Variants in RGS22 observed in about 807,000 individuals in gnomAD.
RGS22 encodes regulator of G protein signaling 22.
RGS22 carries 148 observed loss-of-function variants against 172.9 expected under a neutral mutation model. That is an observed-to-expected ratio of 0.86 (90% confidence interval 0.75 to 0.98). The LOEUF (loss-of-function observed/expected upper bound fraction) is 0.98, where lower values mean the gene tolerates loss of function less well. Ranked by LOEUF, RGS22 falls within the 50% of genes least tolerant of loss-of-function variation. The probability of loss-of-function intolerance (pLI) is 0.00; values close to 1 mark genes in which losing one functional copy is unlikely to be tolerated. For synonymous variants in RGS22, 458 were observed against 480.2 expected (o/e 0.95, Z 0.60); for missense variants, 1,347 against 1,440.8 (o/e 0.93, Z 1.05).
chr8:100,004,308 CCTT>C (rs1433350257), intron 16 of RGS22: 1 of 227,194 alleles, frequency 4.4e-6, no homozygotes, highest in Non-Finnish European at 7.3e-6. Context: ...CATTCCATTC[CCTT>C]CTTTTCATAA....
At chr8:99,994,897 G>A (rs1814185708) in intron 20 of RGS22, among the ~76,000 whole-genome samples, 1 of 152,166 alleles carries the variant, frequency 6.6e-6, no homozygotes, top group Non-Finnish European at 1.5e-5. Flanking sequence ...AAAACAGCAT[G>A]GTACTGGTAC....
At chr8:100,035,268 AC>A (rs527795089) in intron 14 of RGS22, among the ~76,000 whole-genome samples, 205 of 152,312 alleles carry the variant, frequency 1.3e-3, no homozygotes, top group African/African-American at 4.5e-3. Context: ...CAAGAAAAAA[AC>A]AAACAACCCC....
Position 100,039,041 on chromosome 8 carries a change from G to A in RGS22, c.2065-9C>T. On this transcript the variant is annotated splice_polypyrimidine_tract_variant and intron_variant, in intron 13 of 27. Coordinates refer to ENST00000360863, the MANE Select transcript of RGS22 (RefSeq NM_015668.5). ...ACACTGTTCTTCCACAACTACAGATGGAAAAAGTACATAAATTATTACCAC... is the reference window on the plus strand; with the variant it reads ...ACACTGTTCTTCCACAACTACAGATAGAAAAAGTACATAAATTATTACCAC... The A allele has an allele frequency of 6.6e-7, 1 of 1,506,296 alleles. No homozygotes were observed. Among genetic ancestry groups the A allele is most frequent in the Non-Finnish European group, 9.1e-7 (1 of 1,095,816 alleles). The allele number at this position is 1,506,296 out of a possible 1,614,324, so 93.3% of individuals were successfully genotyped here. A position where few individuals can be genotyped will look rare whatever the true frequency, so the allele number is the denominator to read the frequency against.
intron 17 of RGS22, 30 bp downstream of exon 17, chr8:100,003,896 C>T: frequency 6.7e-7 from 1 of 1,482,976 alleles, no homozygotes; most frequent in African/African-American, 1.4e-5. Flanking sequence ...AAAATGTTTT[C>T]AGTGAGAAAT....
chr8:99,963,011 A>G, intron 24 of RGS22, 33 bp from the exon 25 acceptor site: 1 of 1,514,666 alleles, frequency 6.6e-7, no homozygotes, highest in African/African-American at 1.4e-5. Flanking sequence ...TTAATTCTGA[A>G]ATGTTTGCTT....
In RGS22 at chr8:100,042,101, T is replaced by C. The variant is rs1355785582; in HGVS notation, c.1824-185A>G. ...TGGTGGTTCAGAAAATGAGTCATAGTTATACAGAAAGACAATTCTCAAAAT... is the reference window on the plus strand; with the variant it reads ...TGGTGGTTCAGAAAATGAGTCATAGCTATACAGAAAGACAATTCTCAAAAT... On this transcript the variant is annotated intron_variant, in intron 11 of 27. Transcript: ENST00000360863. 4 of 466,138 alleles carry C rather than the reference T, an allele frequency of 8.6e-6. No homozygotes were observed. In the Admixed American group the frequency reaches 1.5e-4, roughly 17 times the overall value. 28.9% of individuals were successfully genotyped at this position (466,138 alleles called of 1,614,324 possible).
At position 99,982,112 on chromosome 8, in the gene RGS22, A is replaced by T. The variant is rs1563572377; in HGVS notation, c.3185T>A (p.Leu1062Ter). The T allele has an allele frequency of 6.2e-7, 1 of 1,610,262 alleles. No individual in the cohort carries two copies. The highest frequency in any genetic ancestry group is 8.5e-7 in the Non-Finnish European group (1 of 1,177,886). Reference sequence around the variant, plus strand: ...AGACTCATCACAATGAGAATGGCACAAGTCCTGAACAGAAGGAAAGATAGA... The same window carrying T: ...AGACTCATCACAATGAGAATGGCACTAGTCCTGAACAGAAGGAAAGATAGA... ...FWQEVQKYKD[L>*]CHSHCDESVI... Residue 1062 changes from leucine (L) to a stop codon, truncating the protein, a stop_gained, in exon 22 of 28, where the codon TTG becomes TAG. Coordinates refer to ENST00000360863, the MANE Select transcript of RGS22 (RefSeq NM_015668.5). LOFTEE classifies it high-confidence loss of function.
At chr8:100,061,157 C>G (rs1810105735) in intron 9 of RGS22, among the ~76,000 whole-genome samples, 1 of 151,586 alleles carries the variant, frequency 6.6e-6, no homozygotes. Context: ...CCACACACAA[C>G]AATTAACACA....
In RGS22 at chr8:100,056,500, A is replaced by G. The variant is rs528301974; in HGVS notation, c.1515-3524T>C. On this transcript the variant is annotated intron_variant, in intron 9 of 27. Transcript: ENST00000360863. ...ATAGGCCTGGAGGCCTAGGGGAAAA[A>G]AAATGTTTTTGTGGGCTGGGGCCCA... 3.9e-5 allele frequency among the ~76,000 whole-genome samples: 6 copies of G among 152,198 alleles called. No individual in the cohort carries two copies. The South Asian group carries it at 1.2e-3, about 32-fold the overall frequency.
intron 22 of RGS22, 35 bp from the exon 23 acceptor site, chr8:99,978,110 A>C (rs772404112): frequency 1.6e-5 from 20 of 1,276,512 alleles, no homozygotes; most frequent in Non-Finnish European, 2.1e-6. Context: ...ACAATTTTAT[A>C]CAAAGGTACC....
chr8:99,961,423 T>C (rs1810176988), intron 27 of RGS22, among the ~76,000 whole-genome samples: 1 of 152,196 alleles, frequency 6.6e-6, no homozygotes, highest in South Asian at 2.1e-4. Context: ...GTTCTCATGA[T>C]AGTGAGTGAG....
At chr8:100,072,320 C>A in intron 4 of RGS22, 90 bp from the exon 5 acceptor site, 1 of 714,716 alleles carries the variant, frequency 1.4e-6, no homozygotes, top group Non-Finnish European at 2.3e-6. Flanking sequence ...ATAATGACCT[C>A]CAGCTGTCAG....
intron 10 of RGS22, among the ~76,000 whole-genome samples, chr8:100,049,917 TG>T (rs1821101742): frequency 6.6e-6 from 1 of 151,676 alleles, no homozygotes; most frequent in Non-Finnish European, 1.5e-5. Flanking sequence ...GGCGTGGTGG[TG>T]GGTGCCTGTA....
At chr8:100,016,978 CTTTTTTTTTTTTTTTTTTTTTTTTTTT>C (rs71274949) in intron 14 of RGS22, among the ~76,000 whole-genome samples, 1 of 36,132 alleles carries the variant, frequency 2.8e-5, no homozygotes, top group East Asian at 8.8e-4. Flanking sequence ...CCTTACCAGT[CTTTTTTTTTTTTTTTTTTTTTTTTTTT>C]TTTTTTTTTT....
At chr8:100,006,253 T>C (rs1588958080) in intron 15 of RGS22, 144 bp from the exon 16 acceptor site, 1 of 633,600 alleles carries the variant, frequency 1.6e-6, no homozygotes, top group Admixed American at 3.0e-5. Flanking sequence ...AAAGATTAGC[T>C]ACAGCAGGGT....
chr8:99,996,640 T>C lies in RGS22; in HGVS notation c.2950-110A>G, dbSNP rs75485814. ...GATAAAGGTTAACTTGGACAAGAGATAGTGAAGTTTAGGAGAAAGAGGATC... is the reference window on the plus strand; with the variant it reads ...GATAAAGGTTAACTTGGACAAGAGACAGTGAAGTTTAGGAGAAAGAGGATC... On this transcript the variant is annotated intron_variant, in intron 19 of 27. Transcript: ENST00000360863. The C allele has an allele frequency of 3.7e-3, 3,400 of 910,528 alleles. 37 individuals are homozygous for C. The highest frequency in any genetic ancestry group is 0.03 in the African/African-American group (1,821 of 59,810). 56.4% of individuals were successfully genotyped at this position (910,528 alleles called of 1,614,324 possible). A position where few individuals can be genotyped will look rare whatever the true frequency, so the allele number is the denominator to read the frequency against.
intron 23 of RGS22, among the ~76,000 whole-genome samples, chr8:99,967,236 G>A (rs1017725602): frequency 3.3e-5 from 5 of 152,178 alleles, no homozygotes; most frequent in African/African-American, 9.7e-5. Context: ...CTGCAGGCTA[G>A]GAGATTCCCT....
chr8:100,079,621 T>G (rs1360208970), intron 4 of RGS22, among the ~76,000 whole-genome samples: 2 of 152,200 alleles, frequency 1.3e-5, no homozygotes, highest in Non-Finnish European at 2.9e-5. Flanking sequence ...TTCATCAAAG[T>G]GACTTGTACA....
At chr8:100,047,304 T>A (rs1195379335) in intron 11 of RGS22, among the ~76,000 whole-genome samples, 159 bp downstream of exon 11, 1 of 152,170 alleles carries the variant, frequency 6.6e-6, no homozygotes, top group Admixed American at 6.5e-5. Flanking sequence ...TAATTTAGAG[T>A]ATTCATGCAA....
Sources: allele counts gnomAD v4.1 joint callset (sites outside exome capture counted in the v4.1 genomes callset), GRCh38; gene constraint gnomAD v4.1.1; transcripts MANE v1.5; gene names NCBI Gene and HGNC (gene_info 2026-07-23, HGNC 2026-07-21).